The following PARP1 variants were observed in gnomAD, a reference collection of about 807,000 sequenced individuals.
The protein encoded by PARP1 is poly(ADP-ribose) polymerase 1.
PARP1 carries 44 observed loss-of-function variants against 118.7 expected under a neutral mutation model. The ratio of observed to expected loss-of-function variants is 0.37; its 90% CI spans 0.29 to 0.48. PARP1 has a LOEUF of 0.48. Among genes scored for constraint, PARP1 ranks in the 20% least tolerant of loss-of-function variants. PARP1 has a pLI of 0.99. For synonymous variants in PARP1, 492 were observed against 483.2 expected, an observed-to-expected ratio of 1.02 and a Z score of -0.24; for missense variants, 1,100 against 1,272.4, an observed-to-expected ratio of 0.86 and a Z score of 2.06.
At position 226,377,168 on chromosome 1, in the gene PARP1, G is replaced by A. The variant is rs1175378809; in HGVS notation, c.1881C>T (p.His627=). ...TGGGATACTTCGTGAAATTTTTGGA[G>A]TGCCAAGCGTTCCCGGTTTTTTCTT... ...LYEEKTGNAW[H]SKNFTKYPKK... Residue 627 remains histidine, a synonymous_variant, in exon 13 of 23, where the codon CAC becomes CAT. Transcript: ENST00000366794. 8.7e-6 allele frequency: 14 copies of A among 1,614,102 alleles called. No individual in the cohort carries two copies. Among genetic ancestry groups the A allele is most frequent in the African/African-American group, 1.3e-5 (1 of 75,002 alleles).
At chr1:226,396,763 C>T (rs2102744346) in intron 2 of PARP1, among the ~76,000 whole-genome samples, 1 of 152,106 alleles carries the variant, frequency 6.6e-6, no homozygotes, top group African/African-American at 2.4e-5. Flanking sequence ...TATGGCAAAA[C>T]TCTATCTCTA....
intron 1 of PARP1, among the ~76,000 whole-genome samples, chr1:226,405,459 C>T (rs536464175): frequency 1.3e-5 from 2 of 152,122 alleles, no homozygotes; most frequent in Non-Finnish European, 2.9e-5. Context: ...GCACGCACCA[C>T]CACGACCCGC....
intron 12 of PARP1, 66 bp from the exon 13 acceptor site, chr1:226,377,369 C>T (rs1219244179): frequency 1.6e-6 from 2 of 1,235,586 alleles, no homozygotes; most frequent in African/African-American, 2.9e-5. Context: ...AGGAGCTCCC[C>T]TTTCCTGCCA....
intron 13 of PARP1, among the ~76,000 whole-genome samples, chr1:226,376,178 A>G (rs912084454): frequency 1.1e-4 from 17 of 152,322 alleles, no homozygotes; most frequent in African/African-American, 4.1e-4. Flanking sequence ...TAGGCCTCAA[A>G]GATTTAGAAT....
chr1:226,367,401 C>T (rs1664291993), intron 17 of PARP1, 79 bp downstream of exon 17: 4 of 1,540,708 alleles, frequency 2.6e-6, no homozygotes. Context: ...TCCAGGAGAT[C>T]CTAACACACA....
intron 2 of PARP1, among the ~76,000 whole-genome samples, chr1:226,396,545 T>G (rs1012852814): frequency 1.1e-4 from 16 of 152,104 alleles, no homozygotes; most frequent in African/African-American, 3.9e-4. Context: ...TGTTAATAAG[T>G]CATTTCTGAA....
chr1:226,385,794 G>C (rs1558239076), intron 6 of PARP1, 114 bp from the exon 7 acceptor site: 1 of 969,734 alleles, frequency 1.0e-6, no homozygotes, highest in Non-Finnish European at 1.6e-6. Context: ...AAGAAGAGAG[G>C]CTTCTTGCTG....
At chr1:226,399,298 C>A (rs546836822) in intron 2 of PARP1, among the ~76,000 whole-genome samples, 1 of 152,040 alleles carries the variant, frequency 6.6e-6, no homozygotes, top group Non-Finnish European at 1.5e-5. Context: ...TCTCGAACTC[C>A]TGACCTCGTA....
chr1:226,380,300 G>A, intron 9 of PARP1, 136 bp from the exon 10 acceptor site: 1 of 872,120 alleles, frequency 1.1e-6, no homozygotes, highest in Non-Finnish European at 1.8e-6. Flanking sequence ...CAAGTCTAAT[G>A]CTCCCAAGAG....
intron 16 of PARP1, among the ~76,000 whole-genome samples, chr1:226,367,915 T>A (rs567333957): frequency 5.6e-4 from 85 of 152,308 alleles, no homozygotes; most frequent in African/African-American, 1.9e-3. Flanking sequence ...AGCCAGGAGC[T>A]GTCTTAAAAG....
rs559431601 is a variant in PARP1 at position 226,382,839 on chromosome 1, T to C, written c.1159+197A>G. Among the ~76,000 whole-genome samples the C allele has an allele frequency of 2.8e-4, 42 of 152,294 alleles. 1 individual carries two copies. Among genetic ancestry groups the C allele is most frequent in the African/African-American group, 9.4e-4 (39 of 41,558 alleles). On this transcript the variant is annotated intron_variant, in intron 8 of 22. Coordinates refer to ENST00000366794, the MANE Select transcript of PARP1 (RefSeq NM_001618.4). The stretch of plus-strand genomic sequence containing the variant: ...AGCCGATGCTATGTTCTTAACACTC[T>C]CCCACCTTGCTGTGGTCAGGGGTGT...
chr1:226,370,765 C>A (rs1193774180), intron 14 of PARP1: 4 of 554,888 alleles, frequency 7.2e-6, no homozygotes, highest in Admixed American at 2.8e-5. Context: ...GTCTCCTCTG[C>A]CCCTATGCCC....
At chr1:226,388,215 T>A (rs1387309817) in intron 5 of PARP1, among the ~76,000 whole-genome samples, 2 of 152,254 alleles carry the variant, frequency 1.3e-5, no homozygotes, top group African/African-American at 4.8e-5. Flanking sequence ...AAGATCTTCA[T>A]TTAAAAAATG....
intron 21 of PARP1, among the ~76,000 whole-genome samples, chr1:226,362,827 G>C (rs543810239): frequency 1.3e-5 from 2 of 150,390 alleles, no homozygotes; most frequent in South Asian, 4.2e-4. Flanking sequence ...TTTTAAAAAT[G>C]AACCTCCTGC....
At chr1:226,377,440 A>C (rs943680994) in intron 12 of PARP1, 137 bp from the exon 13 acceptor site, 1 of 706,290 alleles carries the variant, frequency 1.4e-6, no homozygotes, top group Non-Finnish European at 2.6e-6. Context: ...ACACAGAACA[A>C]ACACAACTGC....
At chr1:226,383,250 G>C in intron 7 of PARP1, 67 bp from the exon 8 acceptor site, 1 of 1,305,100 alleles carries the variant, frequency 7.7e-7, no homozygotes, top group South Asian at 1.2e-5. Context: ...ATAGACCAAA[G>C]AGGATTTGGC....
At position 226,374,183 on chromosome 1, in the gene PARP1, T is replaced by C. The variant is rs760173006; in HGVS notation, c.2070+43A>G. Reference sequence around the variant, plus strand: ...TCTTCACTAGCTCAGCAAATAATCATCCACAGCAAATGCTCACAGATAAAA... The same window carrying C: ...TCTTCACTAGCTCAGCAAATAATCACCCACAGCAAATGCTCACAGATAAAA... On this transcript the variant is annotated intron_variant, in intron 14 of 22. Transcript: ENST00000366794. The C allele has an allele frequency of 4.3e-6, 7 of 1,610,548 alleles. No homozygotes were observed. In the Admixed American group the frequency reaches 8.3e-5, roughly 19 times the overall value.
intron 19 of PARP1, chr1:226,364,289 CG>C (rs1263141188): frequency 1.9e-6 from 1 of 531,408 alleles, no homozygotes; most frequent in Admixed American, 2.5e-5. Context: ...CAAGAAGCTA[CG>C]TAACCTCTCT....
At chr1:226,401,952 G>C (rs1240951743) in intron 2 of PARP1, 10 of 1,437,038 alleles carry the variant, frequency 7.0e-6, no homozygotes, top group African/African-American at 1.4e-5. Flanking sequence ...CTTTTGCCAT[G>C]AACAAAAATA....
Sources: allele counts gnomAD v4.1 joint callset (sites outside exome capture counted in the v4.1 genomes callset), GRCh38; gene constraint gnomAD v4.1.1; transcripts MANE v1.5; gene names NCBI Gene and HGNC (gene_info 2026-07-23, HGNC 2026-07-21).